Variants in GJC1 observed in about 807,000 individuals in gnomAD.
The protein encoded by GJC1 is gap junction protein gamma 1, also known as gap junction gamma-1 protein.
A neutral mutation model predicts 29.3 loss-of-function variants in GJC1; 5 were observed. The observed-to-expected ratio is 0.17, with a 90% CI of 0.09 to 0.36. GJC1 has a LOEUF of 0.36. GJC1 is among the 10% of genes least tolerant of loss of function. GJC1 has a pLI of 1.00. For synonymous variants in GJC1, 177 were observed against 183.3 expected, an observed-to-expected ratio of 0.97 and a Z score of 0.28; for missense variants, 310 against 496.2, an observed-to-expected ratio of 0.62 and a Z score of 3.56.
upstream of GJC1, chr17:44,830,573 A>T (rs931393508): frequency 6.0e-5 from 24 of 398,334 alleles, no homozygotes; most frequent in Non-Finnish European, 9.7e-5. This position sits in a 1 kb window ranked among gnomAD's most constrained non-coding sequence, Gnocchi z 4.3. Flanking sequence ...TTCGGGCGAG[A>T]GTCCCCCGCC....
intron 1 of GJC1, among the ~76,000 whole-genome samples, chr17:44,820,405 T>A (rs1014984641): frequency 2.6e-5 from 4 of 152,212 alleles, no homozygotes; most frequent in Admixed American, 1.3e-4. Context: ...ATGAAGAATA[T>A]CAAGTTAGAT....
downstream of GJC1, chr17:44,795,246 G>T (rs1250734368): frequency 1.3e-5 from 2 of 152,264 alleles, no homozygotes; most frequent in East Asian, 3.9e-4. Flanking sequence ...TATTTATTTT[G>T]AGATGGAGTC....
chr17:44,825,990 G>A lies in GJC1; in HGVS notation c.-97+4072C>T, dbSNP rs1354540252. Among the ~76,000 whole-genome samples, 8 of 151,910 alleles carry A rather than the reference G, an allele frequency of 5.3e-5. No individual in the cohort carries two copies. In the East Asian group the frequency reaches 9.8e-4, roughly 19 times the overall value. ...GGCTGGAGAGCAGTGATGCGATCTC[G>A]GCTAACTGCAACCTCCACCTCCCAG... On this transcript the variant is annotated intron_variant, in intron 1 of 2. Coordinates refer to ENST00000592524, the MANE Select transcript of GJC1 (RefSeq NM_005497.4).
rs1363454523 is a variant in GJC1 at position 44,804,393 on chromosome 17, CA to C, written c.*233del. On this transcript the variant is annotated 3_prime_UTR_variant, in exon 3 of 3. Coordinates refer to ENST00000592524, the MANE Select transcript of GJC1 (RefSeq NM_005497.4). ...TGTTCTTCTCCAGATCTGGAAGACA[CA>C]AATGTAAAGTTCTGCAACTGTATTA... 5 of 476,824 alleles carry C rather than the reference CA, an allele frequency of 1.0e-5. No homozygotes were observed. Among genetic ancestry groups the C allele is most frequent in the Non-Finnish European group, 1.8e-5 (5 of 271,326 alleles). 29.5% of individuals were successfully genotyped at this position (476,824 alleles called of 1,614,324 possible). A position where few individuals can be genotyped will look rare whatever the true frequency, so the allele number is the denominator to read the frequency against.
chr17:44,819,178 C>A (rs768146417), intron 1 of GJC1, among the ~76,000 whole-genome samples: 3 of 152,064 alleles, frequency 2.0e-5, no homozygotes, highest in Non-Finnish European at 4.4e-5. Flanking sequence ...AAACTCTAGA[C>A]CCAGAAACAG....
intron 1 of GJC1, among the ~76,000 whole-genome samples, chr17:44,815,388 CT>C (rs1458396619): frequency 6.6e-6 from 1 of 152,046 alleles, no homozygotes; most frequent in African/African-American, 2.4e-5. Flanking sequence ...GAGTTTATAT[CT>C]ATAAATTCTA....
Position 44,801,512 on chromosome 17 carries a change from T to A in GJC1, c.*3115A>T, listed in dbSNP as rs1215535659. The A allele has an allele frequency of 6.6e-6, 1 of 152,062 alleles. No homozygotes were observed. Among genetic ancestry groups the A allele is most frequent in the Non-Finnish European group, 1.5e-5 (1 of 68,026 alleles). 9.4% of individuals were successfully genotyped at this position (152,062 alleles called of 1,614,324 possible). On this transcript the variant is annotated 3_prime_UTR_variant, in exon 3 of 3. Transcript: ENST00000592524. The stretch of plus-strand genomic sequence containing the variant: ...ATGTTGGACAGGCTTTTTATACAAA[T>A]CCCACCTGCATGATCCAGAACAATA...
intron 1 of GJC1, among the ~76,000 whole-genome samples, chr17:44,823,963 G>A (rs186369789): frequency 9.0e-4 from 137 of 151,744 alleles, no homozygotes; most frequent in African/African-American, 2.9e-3. Flanking sequence ...TGCCCACCTC[G>A]GCCTCCCAAA....
rs2145281972 is a variant in GJC1, at chr17:44,799,703, G to C, written c.*4924C>G. 6.6e-6 allele frequency: 1 copy of C among 152,346 alleles called. No individual in the cohort carries two copies. The highest frequency in any genetic ancestry group is 2.4e-5 in the African/African-American group (1 of 41,556). 9.4% of individuals were successfully genotyped at this position (152,346 alleles called of 1,614,324 possible). On this transcript the variant is annotated 3_prime_UTR_variant, in exon 3 of 3. Transcript: ENST00000592524. The stretch of plus-strand genomic sequence containing the variant: ...GGAGGCTGTGATGGGAGGATTGCTT[G>C]GGCCCAGGAGTTTGAGACCAGTCTA...
intron 1 of GJC1, 60 bp from the exon 2 acceptor site, chr17:44,807,529 A>G (rs1341662590): frequency 6.6e-6 from 1 of 152,226 alleles, no homozygotes; most frequent in Admixed American, 6.5e-5. Context: ...ACAATGAATC[A>G]CTAAAATGCC....
At chr17:44,815,642 T>A (rs959590564) in intron 1 of GJC1, among the ~76,000 whole-genome samples, 1 of 152,180 alleles carries the variant, frequency 6.6e-6, no homozygotes, top group Non-Finnish European at 1.5e-5. Context: ...CCCCCTCATA[T>A]ATCCAACCCC....
intron 1 of GJC1, among the ~76,000 whole-genome samples, chr17:44,816,760 C>T (rs2050047918): frequency 6.6e-6 from 1 of 152,072 alleles, no homozygotes; most frequent in Admixed American, 6.6e-5. Context: ...CTGCCTCGGC[C>T]TCCCAACGTG....
chr17:44,805,102 G>T lies in GJC1; in HGVS notation c.716C>A (p.Thr239Lys), dbSNP rs747243335. 5.0e-6 allele frequency: 8 copies of T among 1,613,956 alleles called. No homozygotes were observed. Reference sequence around the variant, plus strand: ...AATGTTAAGCAAGAGGCAAAGGCCTGTAACACCATACATTATCAGAAGGAA... The same window carrying T: ...AATGTTAAGCAAGAGGCAAAGGCCTTTAACACCATACATTATCAGAAGGAA... ...TIFLLIMYGV[T>K]GLCLLLNIWE... The change falls in exon 3 of 3, where the codon ACA (threonine) becomes AAA (lysine). Residue 239 changes from threonine to lysine, a missense_variant. By Grantham distance (78) the Thr-to-Lys change is moderately conservative. This residue lies in a region of GJC1 where 45 missense variants were observed against 126.2 expected (regional missense o/e 0.36). Coordinates refer to ENST00000592524, the MANE Select transcript of GJC1 (RefSeq NM_005497.4). This position sits in a 1 kb window ranked among gnomAD's most constrained non-coding sequence, Gnocchi z 5.1.
intron 1 of GJC1, among the ~76,000 whole-genome samples, chr17:44,816,668 G>A (rs2050047182): frequency 1.3e-5 from 2 of 151,840 alleles, no homozygotes; most frequent in Non-Finnish European, 2.9e-5. Context: ...ACCAGGCCTG[G>A]CTAATTTTTC....
chr17:44,819,856 A>G (rs2145352967), intron 1 of GJC1, among the ~76,000 whole-genome samples: 1 of 152,032 alleles, frequency 6.6e-6, no homozygotes, highest in African/African-American at 2.4e-5. Flanking sequence ...GGGTGTACAA[A>G]TCATTCAATT....
intron 1 of GJC1, among the ~76,000 whole-genome samples, chr17:44,819,243 T>G (rs2050077642): frequency 6.6e-6 from 1 of 152,170 alleles, no homozygotes; most frequent in African/African-American, 2.4e-5. Context: ...CTACTTTCTC[T>G]ATGGTTGTGA....
chr17:44,816,189 G>A (rs559908314), intron 1 of GJC1, among the ~76,000 whole-genome samples: 2 of 150,866 alleles, frequency 1.3e-5, no homozygotes, highest in Non-Finnish European at 2.9e-5. Flanking sequence ...GCAATTCATG[G>A]TAGCCCATAA....
chr17:44,805,885 C>A lies in GJC1; in HGVS notation c.-20-48G>T. The A allele has an allele frequency of 1.2e-6, 1 of 838,076 alleles. No individual in the cohort carries two copies. Among genetic ancestry groups the A allele is most frequent in the East Asian group, 2.7e-5 (1 of 37,238 alleles). 51.9% of individuals were successfully genotyped at this position (838,076 alleles called of 1,614,324 possible). A position where few individuals can be genotyped will look rare whatever the true frequency, so the allele number is the denominator to read the frequency against. The stretch of plus-strand genomic sequence containing the variant: ...AAAATAAAATCAACAAATATTAAAT[C>A]TTAATTTAATTACTAATTATGATAT... On this transcript the variant is annotated intron_variant, in intron 2 of 2. Transcript: ENST00000592524. This position sits in a 1 kb window ranked among gnomAD's most constrained non-coding sequence, Gnocchi z 5.1.
At chr17:44,814,919 G>C (rs1597751513) in intron 1 of GJC1, among the ~76,000 whole-genome samples, 1 of 151,776 alleles carries the variant, frequency 6.6e-6, no homozygotes, top group Non-Finnish European at 1.5e-5. Context: ...TCAAGCATGG[G>C]TGAAAGAGCA....
Sources: gnomAD v4.1 joint callset for allele counts (sites outside exome capture counted in the v4.1 genomes callset) on GRCh38, gnomAD v4.1.1 for gene constraint, gnomAD v4.1.1 regional missense constraint, Gnocchi (gnomAD v3.1) non-coding constraint, MANE v1.5 for transcripts, NCBI Gene and HGNC (gene_info 2026-07-23, HGNC 2026-07-21) for gene names.